Variants in RANBP2 observed in about 807,000 individuals in gnomAD.
RANBP2 encodes E3 SUMO-protein ligase RanBP2.
A neutral mutation model predicts 303.6 loss-of-function variants in RANBP2; 57 were observed. The ratio of observed to expected loss-of-function variants is 0.19; its 90% CI spans 0.15 to 0.23. The LOEUF is 0.23. Among genes scored for constraint, RANBP2 ranks in the 10% least tolerant of loss-of-function variants. RANBP2 has a pLI of 1.00. For missense variants in RANBP2, 3,138 were observed against 3,780.8 expected (o/e 0.83, Z 4.46); for synonymous variants, 1,167 against 1,301.5 (o/e 0.90, Z 2.23).
At chr2:108,854,444 T>C in the RANBP2 span, among the ~76,000 whole-genome samples, 1 of 152,260 alleles carries the variant, frequency 6.6e-6, no homozygotes, top group South Asian at 2.1e-4. Context: ...AATGAGAGAA[T>C]TGATGTAAAG....
At chr2:109,635,642 C>T in the RANBP2 span, among the ~76,000 whole-genome samples, 183 of 152,272 alleles carry the variant, frequency 1.2e-3, no homozygotes, top group Middle Eastern at 6.8e-3. Context: ...GGTTGTCTGA[C>T]CCTACCTCGT....
chr2:109,368,522 T>A, the RANBP2 span, among the ~76,000 whole-genome samples: 1 of 152,046 alleles, frequency 6.6e-6, no homozygotes, highest in East Asian at 1.9e-4. Context: ...TTTTATGTAT[T>A]TATCCTAAAA....
At chr2:109,523,300 C>T in the RANBP2 span, among the ~76,000 whole-genome samples, 1 of 152,286 alleles carries the variant, frequency 6.6e-6, no homozygotes, top group Middle Eastern at 3.4e-3. Context: ...GTGACCCACT[C>T]ATGGGTTGCT....
chr2:108,988,976 G>A, the RANBP2 span: 1 of 152,246 alleles, frequency 6.6e-6, no homozygotes, highest in South Asian at 2.1e-4. Context: ...TCTGTTGGAG[G>A]TCAGCTTCAG....
the RANBP2 span, among the ~76,000 whole-genome samples, chr2:109,721,290 C>G: frequency 6.6e-6 from 1 of 152,204 alleles, no homozygotes; most frequent in Non-Finnish European, 1.5e-5. Flanking sequence ...GACATGTTTC[C>G]TCAGCAGCTA....
At chr2:109,765,924 G>C in the RANBP2 span, among the ~76,000 whole-genome samples, 2 of 150,494 alleles carry the variant, frequency 1.3e-5, no homozygotes, top group African/African-American at 4.9e-5. Flanking sequence ...ACCTTCAGGT[G>C]CCTCTACCCT....
At chr2:109,058,762 G>A in the RANBP2 span, among the ~76,000 whole-genome samples, 2 of 152,176 alleles carry the variant, frequency 1.3e-5, no homozygotes, top group Non-Finnish European at 2.9e-5. Context: ...GGTGCTGAGA[G>A]GAGACGGGCA....
the RANBP2 span, among the ~76,000 whole-genome samples, chr2:109,307,355 C>A: frequency 5.3e-5 from 8 of 151,958 alleles, no homozygotes; most frequent in Non-Finnish European, 1.2e-4. Flanking sequence ...AGGAGGGGAA[C>A]AATTTGTGGG....
the RANBP2 span, among the ~76,000 whole-genome samples, chr2:109,539,241 T>A: frequency 1.3e-5 from 2 of 150,986 alleles, no homozygotes; most frequent in Admixed American, 1.3e-4. Flanking sequence ...GAGGTTGCAG[T>A]GAGCCGATAT....
chr2:109,416,974 C>T, the RANBP2 span, among the ~76,000 whole-genome samples: 1 of 151,860 alleles, frequency 6.6e-6, no homozygotes, highest in Non-Finnish European at 1.5e-5. Flanking sequence ...CCCACACAGT[C>T]ACAGGCCATG....
the RANBP2 span, among the ~76,000 whole-genome samples, chr2:108,973,926 G>A: frequency 1.3e-5 from 2 of 152,258 alleles, no homozygotes; most frequent in East Asian, 1.9e-4. Context: ...AACCAATTAC[G>A]GAGCTGTAAG....
At chr2:108,856,940 G>T in the RANBP2 span, 2 of 1,608,252 alleles carry the variant, frequency 1.2e-6, no homozygotes, top group South Asian at 2.2e-5. Context: ...TAATGTTATT[G>T]ATAGTTTGCT....
chr2:109,058,506 T>C, the RANBP2 span, among the ~76,000 whole-genome samples: 1 of 152,226 alleles, frequency 6.6e-6, no homozygotes, highest in Non-Finnish European at 1.5e-5. Flanking sequence ...AAGAGGCGAT[T>C]ATGCAGCGGC....
At chr2:109,488,504 CT>C in the RANBP2 span, among the ~76,000 whole-genome samples, 11 of 152,326 alleles carry the variant, frequency 7.2e-5, no homozygotes, top group African/African-American at 2.4e-4. Context: ...ATCCCCAGGC[CT>C]TATGCCCTGC....
the RANBP2 span, among the ~76,000 whole-genome samples, chr2:109,697,658 C>T: frequency 1.3e-5 from 2 of 152,090 alleles, no homozygotes; most frequent in African/African-American, 4.8e-5. Flanking sequence ...TTTATATAGA[C>T]AATCATGCCA....
the RANBP2 span, among the ~76,000 whole-genome samples, chr2:109,060,674 G>A: frequency 1.3e-5 from 2 of 152,194 alleles, no homozygotes; most frequent in African/African-American, 4.8e-5. Context: ...GCTTCACTGA[G>A]TAGGTGTGCA....
chr2:108,891,360 G>A, the RANBP2 span, among the ~76,000 whole-genome samples: 147 of 152,296 alleles, frequency 9.7e-4, no homozygotes, highest in African/African-American at 3.3e-3. Flanking sequence ...TATGGTTTTG[G>A]TTGAGTAGGG....
At chr2:108,841,634 G>T in the RANBP2 span, among the ~76,000 whole-genome samples, 1 of 151,940 alleles carries the variant, frequency 6.6e-6, no homozygotes, top group African/African-American at 2.4e-5. Context: ...CTTATATCTA[G>T]AATGAGTTTT....
the RANBP2 span, among the ~76,000 whole-genome samples, chr2:109,352,081 C>T: frequency 6.6e-6 from 1 of 152,178 alleles, no homozygotes; most frequent in Non-Finnish European, 1.5e-5. Flanking sequence ...GTGACTCGAA[C>T]ATTTACTTAG....
Sources: allele counts gnomAD v4.1 joint callset (sites outside exome capture counted in the v4.1 genomes callset), GRCh38; gene constraint gnomAD v4.1.1; transcripts MANE v1.5; gene names NCBI Gene and HGNC (gene_info 2026-07-23, HGNC 2026-07-21).